The following TRIM66 variants were observed in gnomAD, a reference collection of about 807,000 sequenced individuals.
TRIM66 encodes tripartite motif containing 66.
In TRIM66, 99 loss-of-function variants were observed where a neutral mutation model predicts 148.2. That is an observed-to-expected ratio of 0.67 (90% CI 0.57 to 0.79). TRIM66 has a LOEUF of 0.79. Among genes scored for constraint, TRIM66 ranks in the 30% least tolerant of loss-of-function variants. The pLI is 0.00. For missense variants in TRIM66, 1,666 were observed against 1,697.9 expected (o/e 0.98, Z 0.33); for synonymous variants, 616 against 635.9 (o/e 0.97, Z 0.47).
intron 10 of TRIM66, among the ~76,000 whole-genome samples, chr11:8,646,986 A>C (rs1418770210): frequency 2.0e-5 from 3 of 151,092 alleles, no homozygotes; most frequent in Admixed American, 1.3e-4. Flanking sequence ...GGGAATGGAG[A>C]GTGACTAATA....
intron 15 of TRIM66, among the ~76,000 whole-genome samples, chr11:8,633,410 G>A (rs991259121): frequency 2.6e-5 from 4 of 152,178 alleles, no homozygotes; most frequent in African/African-American, 9.7e-5. Context: ...GCAAGGACCT[G>A]TTTTCTCATG....
intron 3 of TRIM66, among the ~76,000 whole-genome samples, chr11:8,676,453 A>C (rs1010392526): frequency 2.6e-5 from 4 of 152,162 alleles, no homozygotes; most frequent in Non-Finnish European, 5.9e-5. Context: ...CCCACCCCAT[A>C]AGGTCTACAG....
At position 8,670,174 on chromosome 11, in the gene TRIM66, G is replaced by A. The variant is rs1028343412; in HGVS notation, c.340+1612C>T. On this transcript the variant is annotated intron_variant, in intron 6 of 24. Transcript: ENST00000646038. ...ACTATAGGCACGCAACACCATGCCCGGCTAATTTTTGTATTTTTAGTAGAG... is the reference window on the plus strand; with the variant it reads ...ACTATAGGCACGCAACACCATGCCCAGCTAATTTTTGTATTTTTAGTAGAG... 4.6e-5 allele frequency among the ~76,000 whole-genome samples: 7 copies of A among 151,990 alleles called. No homozygotes were observed. The South Asian group carries it at 1.2e-3, about 27-fold the overall frequency.
intron 11 of TRIM66, 34 bp from the exon 12 acceptor site, chr11:8,645,921 T>A: frequency 6.5e-7 from 1 of 1,547,836 alleles, no homozygotes; most frequent in Non-Finnish European, 8.7e-7. Flanking sequence ...TCCTTGATCC[T>A]GTTACTGGAC....
chr11:8,680,937 A>G (rs1458896214), intron 1 of TRIM66: 2 of 152,228 alleles, frequency 1.3e-5, no homozygotes, highest in African/African-American at 4.8e-5. Flanking sequence ...AGAAAGAACA[A>G]GTGATATGAA....
intron 6 of TRIM66, among the ~76,000 whole-genome samples, chr11:8,669,553 G>A (rs1016375908): frequency 1.3e-5 from 2 of 150,964 alleles, no homozygotes; most frequent in Non-Finnish European, 2.9e-5. Flanking sequence ...TGACGCAGGA[G>A]AATCACTTGA....
chr11:8,662,269 C>A (rs769121128), intron 6 of TRIM66, among the ~76,000 whole-genome samples: 1 of 152,194 alleles, frequency 6.6e-6, no homozygotes, highest in Non-Finnish European at 1.5e-5. Context: ...TGAGATCTCA[C>A]CTCTGGCCTC....
chr11:8,626,024 G>A (rs1242551820), intron 15 of TRIM66, among the ~76,000 whole-genome samples: 1 of 152,210 alleles, frequency 6.6e-6, no homozygotes, highest in Non-Finnish European at 1.5e-5. Context: ...CATTGGATAA[G>A]GCAGTAATGT....
intron 4 of TRIM66, among the ~76,000 whole-genome samples, chr11:8,674,173 T>A (rs1565579254): frequency 6.6e-6 from 1 of 152,248 alleles, no homozygotes; most frequent in African/African-American, 2.4e-5. Context: ...GTTTACTCAT[T>A]GAAGACCCCA....
rs1417606267 is a variant in TRIM66, at chr11:8,613,087, T to C, written c.*4857A>G. ...CATGGTTGGCATGAGGAGAACTGAG[T>C]TCAGGAAAAGGAAGGGACTCAGGAA... On this transcript the variant is annotated 3_prime_UTR_variant, in exon 25 of 25. Coordinates refer to ENST00000646038, the MANE Select transcript of TRIM66 (RefSeq NM_001388022.1). 2.6e-5 allele frequency: 4 copies of C among 151,738 alleles called. No individual in the cohort carries two copies. Among genetic ancestry groups the C allele is most frequent in the African/African-American group, 9.7e-5 (4 of 41,210 alleles). 9.4% of individuals were successfully genotyped at this position (151,738 alleles called of 1,614,324 possible). A position where few individuals can be genotyped will look rare whatever the true frequency, so the allele number is the denominator to read the frequency against.
intron 6 of TRIM66, among the ~76,000 whole-genome samples, chr11:8,667,810 T>C (rs1200467734): frequency 6.6e-6 from 1 of 152,254 alleles, no homozygotes; most frequent in Non-Finnish European, 1.5e-5. Context: ...TATCCATTCA[T>C]CTGTTGATTA....
intron 6 of TRIM66, among the ~76,000 whole-genome samples, chr11:8,657,610 C>G (rs565771587): frequency 1.7e-4 from 26 of 152,128 alleles, no homozygotes; most frequent in Non-Finnish European, 3.2e-4. Flanking sequence ...CACTAAGCAA[C>G]GAGAAAAAAC....
chr11:8,647,902 G>A, intron 10 of TRIM66, 68 bp downstream of exon 10: 4 of 1,233,440 alleles, frequency 3.2e-6, no homozygotes, highest in Middle Eastern at 1.9e-4. Flanking sequence ...CTGACGGCCT[G>A]GTGTTGGAAC....
intron 15 of TRIM66, among the ~76,000 whole-genome samples, chr11:8,627,316 C>G (rs967149508): frequency 2.0e-5 from 3 of 152,202 alleles, no homozygotes; most frequent in Non-Finnish European, 2.9e-5. Flanking sequence ...AAATGAACAG[C>G]AGCTTAGGTC....
chr11:8,670,552 C>T (rs1431196688), intron 6 of TRIM66, among the ~76,000 whole-genome samples: 1 of 152,074 alleles, frequency 6.6e-6, no homozygotes, highest in Non-Finnish European at 1.5e-5. Context: ...TCAGGAATGC[C>T]TATTTGCTAG....
chr11:8,624,628 T>G, intron 16 of TRIM66, 77 bp from the exon 17 acceptor site: 1 of 1,479,836 alleles, frequency 6.8e-7, no homozygotes, highest in Non-Finnish European at 9.0e-7. Flanking sequence ...ACTGTTAAGC[T>G]AAGGTCAGAA....
chr11:8,624,520 T>G lies in TRIM66; in HGVS notation c.2858A>C (p.Asp953Ala). The change falls in exon 17 of 25, where the codon GAC (aspartate) becomes GCC (alanine). Residue 953 changes from aspartate (D) to alanine (A), a missense_variant. Coordinates refer to ENST00000646038, the MANE Select transcript of TRIM66 (RefSeq NM_001388022.1). ...GACTATGGGACCTTGTCCCAGTAAG[T>G]CAGTGAAGCGAGTGGAATCCTCACT... ...MESEDSTRFT[D>A]LLGQGPIVPG... is the part of the protein sequence containing the mutation. The G allele has an allele frequency of 2.0e-6, 3 of 1,536,622 alleles. No individual in the cohort carries two copies. Among genetic ancestry groups the G allele is most frequent in the Non-Finnish European group, 2.6e-6 (3 of 1,142,816 alleles).
At position 8,616,702 on chromosome 11, in the gene TRIM66, C is replaced by T. The variant is rs561606899; in HGVS notation, c.*1242G>A. The T allele has an allele frequency of 2.6e-5, 4 of 152,426 alleles. No individual in the cohort carries two copies. In the South Asian group the frequency reaches 6.2e-4, roughly 24 times the overall value. The allele number at this position is 152,426 out of a possible 1,614,324, so 9.4% of individuals were successfully genotyped here. The stretch of plus-strand genomic sequence containing the variant: ...GTTGCTTCATGGTCACCAAAGGACA[C>T]TGGCTTTTTGCCTCTTGATTTTTCC... On this transcript the variant is annotated 3_prime_UTR_variant, in exon 25 of 25. Coordinates refer to ENST00000646038, the MANE Select transcript of TRIM66 (RefSeq NM_001388022.1).
In TRIM66 at chr11:8,640,293, C is replaced by A. The variant is rs2036252782; in HGVS notation, c.2082G>T (p.Gly694=). The A allele has an allele frequency of 6.4e-7, 1 of 1,551,544 alleles. No homozygotes were observed. ...SPQHLQQTIV[G]QINYIVRQPA... The stretch of plus-strand genomic sequence containing the variant: ...GCTGCCTCACGATGTAGTTGATCTG[C>A]CCCACAATGGTTTGCTGAAGATGCT... The change falls in exon 14 of 25, where the codon GGG becomes GGT. Residue 694 remains glycine (G), a synonymous_variant. Coordinates refer to ENST00000646038, the MANE Select transcript of TRIM66 (RefSeq NM_001388022.1).
Sources: gnomAD v4.1 joint callset for allele counts (sites outside exome capture counted in the v4.1 genomes callset) on GRCh38, gnomAD v4.1.1 for gene constraint, MANE v1.5 for transcripts, NCBI Gene and HGNC (gene_info 2026-07-23, HGNC 2026-07-21) for gene names.